Variants in CDC14A observed in about 807,000 individuals in gnomAD.
The protein encoded by CDC14A is cell division cycle 14A, also known as dual specificity protein phosphatase CDC14A.
CDC14A carries 53 observed loss-of-function variants against 74.4 expected under a neutral mutation model. That is an observed-to-expected ratio of 0.71 (90% CI 0.57 to 0.89). The LOEUF (loss-of-function observed/expected upper bound fraction) is 0.89. Among genes scored for constraint, CDC14A ranks in the 40% least tolerant of loss-of-function variants. The pLI, the probability that CDC14A is intolerant of heterozygous loss-of-function variation, is 0.00. For missense variants in CDC14A, 646 were observed against 713.7 expected (o/e 0.91, Z 1.08); for synonymous variants, 247 against 258.4 (o/e 0.96, Z 0.43).
chr1:100,381,755 A>G (rs1656135873), intron 3 of CDC14A, among the ~76,000 whole-genome samples: 2 of 152,320 alleles, frequency 1.3e-5, no homozygotes, highest in East Asian at 3.9e-4. Context: ...TAAAAATCCA[A>G]ACATAAAATG....
chr1:100,439,076 T>G (rs752262401), intron 5 of CDC14A, among the ~76,000 whole-genome samples: 1 of 152,234 alleles, frequency 6.6e-6, no homozygotes, highest in African/African-American at 2.4e-5. Context: ...AACTTGATAC[T>G]TTAGTTTTAT....
rs562869978 is a variant in CDC14A, at chr1:100,428,011, G to GT, written c.389+3711dup. Reference sequence around the variant, plus strand: ...TTTTAGGTGCTAATTTTATTTATTCGTATGGCATAGGTTGTATAATGGTAT... The same window carrying GT: ...TTTTAGGTGCTAATTTTATTTATTCGTTATGGCATAGGTTGTATAATGGTAT... On this transcript the variant is annotated intron_variant, in intron 5 of 15. Transcript: ENST00000336454. Among the ~76,000 whole-genome samples, 201 of 152,232 alleles carry GT rather than the reference G, an allele frequency of 1.3e-3. 1 individual carries two copies. The highest frequency in any genetic ancestry group is 4.8e-3 in the African/African-American group (198 of 41,534).
chr1:100,508,141 A>G lies in CDC14A; in HGVS notation c.1755+8879A>G, dbSNP rs1649402849. On this transcript the variant is annotated intron_variant, in intron 15 of 15. Coordinates refer to ENST00000336454, the MANE Select transcript of CDC14A (RefSeq NM_003672.4). The surrounding 1 kb of genome is among the most constrained non-coding windows in gnomAD (Gnocchi z 4.4). ...CTTTAATGTGTCCATTCTGGAGTAT[A>G]TCCCCCAATCCACTGACCTTTGATT... 6.6e-6 allele frequency among the ~76,000 whole-genome samples: 1 copy of G among 152,082 alleles called. No individual in the cohort carries two copies. Among genetic ancestry groups the G allele is most frequent in the African/African-American group, 2.4e-5 (1 of 41,394 alleles).
At chr1:100,504,503 T>C (rs145527781) in intron 15 of CDC14A, among the ~76,000 whole-genome samples, 1 of 152,212 alleles carries the variant, frequency 6.6e-6, no homozygotes, top group African/African-American at 2.4e-5. Flanking sequence ...GTCCCAACTA[T>C]TCAACTCAAT....
intron 4 of CDC14A, among the ~76,000 whole-genome samples, chr1:100,417,472 G>A (rs11805567): frequency 3.0e-4 from 45 of 152,320 alleles, no homozygotes; most frequent in African/African-American, 9.9e-4. Flanking sequence ...TGCTGGCTGC[G>A]TTGTATCCCA....
At chr1:100,439,410 C>G (rs1664686627) in intron 5 of CDC14A, among the ~76,000 whole-genome samples, 1 of 152,198 alleles carries the variant, frequency 6.6e-6, no homozygotes, top group South Asian at 2.1e-4. Context: ...GGTTATTCCT[C>G]TGCCAGAATA....
chr1:100,403,680 T>C (rs1659564408), intron 4 of CDC14A, among the ~76,000 whole-genome samples: 1 of 152,238 alleles, frequency 6.6e-6, no homozygotes, highest in Non-Finnish European at 1.5e-5. Context: ...TATCTCACTT[T>C]CATTTGAATC....
chr1:100,389,462 AAT>A (rs1553173938), intron 3 of CDC14A, among the ~76,000 whole-genome samples: 1 of 149,708 alleles, frequency 6.7e-6, no homozygotes, highest in African/African-American at 2.5e-5. Flanking sequence ...AAAAAAAAAA[AAT>A]ATATATATAT....
intron 4 of CDC14A, among the ~76,000 whole-genome samples, chr1:100,396,990 G>A (rs1658589583): frequency 6.6e-6 from 1 of 151,776 alleles, no homozygotes; most frequent in Non-Finnish European, 1.5e-5. Context: ...CTTTGAATGT[G>A]GCCTAACACA....
At position 100,352,659 on chromosome 1, in the gene CDC14A, A is replaced by G; in HGVS notation, c.-296A>G. ...CCCTGAGAGCTGGTCTGCGTTTCCC[A>G]GGCGCGGCGGCGGCGGAGCAGCAGC... On this transcript the variant is annotated 5_prime_UTR_variant, in exon 1 of 16. Transcript: ENST00000336454. The G allele has an allele frequency of 1.6e-6, 2 of 1,273,090 alleles. No individual in the cohort carries two copies. Among genetic ancestry groups the G allele is most frequent in the Non-Finnish European group, 2.0e-6 (2 of 1,008,806 alleles). 78.9% of individuals were successfully genotyped at this position (1,273,090 alleles called of 1,614,324 possible). A position where few individuals can be genotyped will look rare whatever the true frequency, so the allele number is the denominator to read the frequency against.
At chr1:100,366,324 G>T (rs1201693593) in intron 2 of CDC14A, among the ~76,000 whole-genome samples, 2 of 152,160 alleles carry the variant, frequency 1.3e-5, no homozygotes, top group Non-Finnish European at 2.9e-5. Context: ...GAATGAATGA[G>T]TACTTCTTGG....
At chr1:100,374,441 G>A (rs553663585) in intron 2 of CDC14A, among the ~76,000 whole-genome samples, 2,290 of 152,176 alleles carry the variant, frequency 0.015, 57 homozygotes, top group African/African-American at 0.052. Context: ...AAGTGTTCCT[G>A]TTTCTCTACA....
chr1:100,488,396 T>A (rs1386729450), intron 11 of CDC14A, among the ~76,000 whole-genome samples: 1 of 152,188 alleles, frequency 6.6e-6, no homozygotes, highest in African/African-American at 2.4e-5. Context: ...TGAACTTCTG[T>A]GCTCTGGCTC....
upstream of CDC14A, among the ~76,000 whole-genome samples, chr1:100,348,281 CAA>C (rs59269474): frequency 0.2 from 17,500 of 86,962 alleles, 1,195 homozygotes; most frequent in Non-Finnish European, 0.28. Context: ...GACTCCATTT[CAA>C]AAAAAAAAAA....
At chr1:100,432,995 C>A (rs1272172966) in intron 5 of CDC14A, among the ~76,000 whole-genome samples, 1 of 152,036 alleles carries the variant, frequency 6.6e-6, no homozygotes, top group Admixed American at 6.5e-5. Context: ...TCAAACAATT[C>A]TCCTGCCTCA....
chr1:100,451,057 C>G (rs1160226873), intron 7 of CDC14A, among the ~76,000 whole-genome samples: 1 of 152,216 alleles, frequency 6.6e-6, no homozygotes, highest in Non-Finnish European at 1.5e-5. Flanking sequence ...CAAATCCTTT[C>G]TCTTCCTTTG....
intron 4 of CDC14A, among the ~76,000 whole-genome samples, chr1:100,411,803 C>T (rs935421113): frequency 6.6e-6 from 1 of 152,120 alleles, no homozygotes; most frequent in East Asian, 1.9e-4. Flanking sequence ...CCTGACAGAG[C>T]TTAGATTTTG....
chr1:100,465,983 G>C (rs1411507959), intron 9 of CDC14A, among the ~76,000 whole-genome samples: 1 of 152,210 alleles, frequency 6.6e-6, no homozygotes, highest in Non-Finnish European at 1.5e-5. Flanking sequence ...GAAACTTAGT[G>C]AAATGTTCCT....
At chr1:100,457,741 A>C (rs915653676) in intron 8 of CDC14A, among the ~76,000 whole-genome samples, 35 of 151,712 alleles carry the variant, frequency 2.3e-4, no homozygotes, top group African/African-American at 8.0e-4. Flanking sequence ...AGGATTACAG[A>C]TTTAAGCCAC....
Sources: allele counts gnomAD v4.1 joint callset (sites outside exome capture counted in the v4.1 genomes callset), GRCh38; gene constraint gnomAD v4.1.1; non-coding constraint Gnocchi (gnomAD v3.1); transcripts MANE v1.5; gene names NCBI Gene and HGNC (gene_info 2026-07-23, HGNC 2026-07-21).